AFAP1: variants seen among roughly 807,000 people sequenced by gnomAD.
AFAP1 encodes actin filament-associated protein 1.
A neutral mutation model predicts 93.9 loss-of-function variants in AFAP1; 75 were observed. That is an observed-to-expected ratio of 0.80 (90% CI 0.66 to 0.97). AFAP1 has a LOEUF of 0.97. Ranked by LOEUF, AFAP1 falls within the 50% of genes least tolerant of loss-of-function variation. The pLI, the probability that AFAP1 is intolerant of heterozygous loss-of-function variation, is 0.00. For missense variants in AFAP1, 1,201 were observed against 1,050.8 expected, an observed-to-expected ratio of 1.14 and a Z score of -1.98; for synonymous variants, 517 against 430.7, an observed-to-expected ratio of 1.20 and a Z score of -2.48.
chr4:7,792,971 CA>C (rs1289926152), intron 11 of AFAP1, among the ~76,000 whole-genome samples: 1 of 152,152 alleles, frequency 6.6e-6, no homozygotes, highest in Non-Finnish European at 1.5e-5. Context: ...AATGTCCCAA[CA>C]GTGGAAAAAG....
At chr4:7,857,167 G>A (rs1715163806) in intron 3 of AFAP1, among the ~76,000 whole-genome samples, 1 of 152,120 alleles carries the variant, frequency 6.6e-6, no homozygotes, top group Admixed American at 6.6e-5. Flanking sequence ...ACAGAGCAGA[G>A]GCCCCAAATT....
At chr4:7,913,416 G>A (rs902213281) in intron 1 of AFAP1, among the ~76,000 whole-genome samples, 5 of 150,208 alleles carry the variant, frequency 3.3e-5, no homozygotes, top group African/African-American at 7.3e-5. Flanking sequence ...AAATGCTAGC[G>A]CATCACCCAT....
chr4:7,769,523 C>T (rs951299051), intron 16 of AFAP1, among the ~76,000 whole-genome samples: 6 of 152,158 alleles, frequency 3.9e-5, no homozygotes, highest in African/African-American at 9.7e-5. Context: ...CTAGTGTTTA[C>T]GGCAGCTTCC....
chr4:7,788,428 C>T (rs1312913827), intron 11 of AFAP1, among the ~76,000 whole-genome samples: 3 of 152,250 alleles, frequency 2.0e-5, no homozygotes, highest in East Asian at 1.9e-4. Flanking sequence ...TCACAGAGCG[C>T]GTGTGCGCCC....
chr4:7,786,458 A>G (rs1717274083), intron 11 of AFAP1, 147 bp from the exon 12 acceptor site: 1 of 693,988 alleles, frequency 1.4e-6, no homozygotes, highest in Non-Finnish European at 2.5e-6. Context: ...ATCTCGGCAG[A>G]AATGAGATGA....
chr4:7,816,843 G>A (rs1000882154), intron 7 of AFAP1, among the ~76,000 whole-genome samples: 3 of 152,192 alleles, frequency 2.0e-5, no homozygotes, highest in Admixed American at 6.5e-5. Context: ...AGGCACAAAG[G>A]AACATGTGTG....
chr4:7,856,036 T>C (rs1429012018), intron 3 of AFAP1, among the ~76,000 whole-genome samples: 2 of 152,138 alleles, frequency 1.3e-5, no homozygotes, highest in East Asian at 3.9e-4. Context: ...GGGACACAGA[T>C]GCTCAGGCGC....
chr4:7,815,606 A>G (rs1720402667), intron 8 of AFAP1, among the ~76,000 whole-genome samples: 1 of 152,146 alleles, frequency 6.6e-6, no homozygotes, highest in East Asian at 1.9e-4. Flanking sequence ...GCAGAGCTTG[A>G]ATGGGAAAGT....
rs1716725476 is a variant in AFAP1 at position 7,781,168 on chromosome 4, A to G, written c.1782+208T>C. Among the ~76,000 whole-genome samples, 5 of 152,382 alleles carry G rather than the reference A, an allele frequency of 3.3e-5. No homozygotes were observed. The South Asian group carries it at 1.0e-3, about 32-fold the overall frequency. ...GAAAGAGAGCCAGATGTGGGCAAAG[A>G]AACACAGTGCTCAGATAAACCATGA... On this transcript the variant is annotated intron_variant, in intron 13 of 17. Transcript: ENST00000420658.
chr4:7,913,392 A>G (rs2149228281), intron 1 of AFAP1, among the ~76,000 whole-genome samples: 1 of 151,638 alleles, frequency 6.6e-6, no homozygotes, highest in East Asian at 1.9e-4. Context: ...TGTCTCCAAA[A>G]AAAAAAAAAA....
intron 4 of AFAP1, among the ~76,000 whole-genome samples, chr4:7,845,771 G>A (rs1362727486): frequency 6.6e-6 from 1 of 152,132 alleles, no homozygotes; most frequent in Non-Finnish European, 1.5e-5. Flanking sequence ...GGCAGCCACA[G>A]GGGGTTACTT....
intron 1 of AFAP1, among the ~76,000 whole-genome samples, chr4:7,936,084 A>G (rs1166992768): frequency 6.6e-6 from 1 of 152,230 alleles, no homozygotes; most frequent in Non-Finnish European, 1.5e-5. Context: ...TTAAGAATGC[A>G]AATCAAAATA....
At chr4:7,878,906 T>C (rs759747566) in intron 1 of AFAP1, among the ~76,000 whole-genome samples, 5 of 152,198 alleles carry the variant, frequency 3.3e-5, no homozygotes, top group Non-Finnish European at 7.3e-5. Context: ...AAGCTCCTAA[T>C]GCCTCTTAGG....
In AFAP1 at chr4:7,770,143, C is replaced by T. The variant is rs116636612; in HGVS notation, c.2254-1135G>A. Among the ~76,000 whole-genome samples the T allele has an allele frequency of 9.3e-3, 1,411 of 152,290 alleles. 17 individuals are homozygous for T. The highest frequency in any genetic ancestry group is 0.023 in the African/African-American group (949 of 41,546). On this transcript the variant is annotated intron_variant, in intron 16 of 17. Coordinates refer to ENST00000420658, the MANE Select transcript of AFAP1 (RefSeq NM_001134647.2). ...TCCTCCCTCAAAACAGAGGGGAAGT[C>T]GCAAAGCACAGTGGACTGGGAGCGG...
At position 7,898,131 on chromosome 4, in the gene AFAP1, C is replaced by T. The variant is rs952632909; in HGVS notation, c.-2-26051G>A. 5.3e-5 allele frequency among the ~76,000 whole-genome samples: 8 copies of T among 152,266 alleles called. No homozygotes were observed. In the South Asian group the frequency reaches 1.0e-3, roughly 20 times the overall value. On this transcript the variant is annotated intron_variant, in intron 1 of 17. Transcript: ENST00000420658. ...GTTACTGGAAAAGCCTCCCAATCAC[C>T]GGGGACAGTGGCTCACGCCTGTAAT... is the stretch of plus-strand genomic sequence containing the variant.
chr4:7,852,924 A>G (rs1714619490), intron 4 of AFAP1, among the ~76,000 whole-genome samples: 1 of 152,168 alleles, frequency 6.6e-6, no homozygotes, highest in South Asian at 2.1e-4. Flanking sequence ...GATGTGACCC[A>G]AATGTTGGAC....
At chr4:7,896,539 CCCACACCCAGGG>C (rs1718779906) in intron 1 of AFAP1, among the ~76,000 whole-genome samples, 1 of 150,548 alleles carries the variant, frequency 6.6e-6, no homozygotes, top group African/African-American at 2.5e-5. Context: ...CCTCACTCCC[CCCACACCCAGGG>C]CTCAGTCCTC....
At chr4:7,764,560 C>A (rs1332360829) in intron 17 of AFAP1, among the ~76,000 whole-genome samples, 1 of 152,100 alleles carries the variant, frequency 6.6e-6, no homozygotes, top group Non-Finnish European at 1.5e-5. Context: ...AATTTTACAT[C>A]GTGTTTATTT....
At chr4:7,820,810 C>G (rs934352373) in intron 6 of AFAP1, among the ~76,000 whole-genome samples, 29 of 152,168 alleles carry the variant, frequency 1.9e-4, no homozygotes, top group African/African-American at 6.3e-4. Context: ...ACAGAGTCCA[C>G]TTTCTCAGTA....
Sources: gnomAD v4.1 joint callset for allele counts (sites outside exome capture counted in the v4.1 genomes callset) on GRCh38, gnomAD v4.1.1 for gene constraint, MANE v1.5 for transcripts, NCBI Gene and HGNC (gene_info 2026-07-23, HGNC 2026-07-21) for gene names.